The following FBN1 variants were observed in gnomAD, a reference collection of about 807,000 sequenced individuals.
FBN1 encodes fibrillin-1.
FBN1 carries 29 observed loss-of-function variants against 365.1 expected under a neutral mutation model. The observed-to-expected ratio is 0.08, with a 90% CI of 0.06 to 0.11. FBN1 has a LOEUF of 0.11. Among genes scored for constraint, FBN1 ranks in the 10% least tolerant of loss-of-function variants. The pLI is 1.00. For synonymous variants in FBN1, 1,210 were observed against 1,270.5 expected, an observed-to-expected ratio of 0.95 and a Z score of 1.01; for missense variants, 2,476 against 3,703.2, an observed-to-expected ratio of 0.67 and a Z score of 8.60.
chr15:48,555,219 T>A (rs1404406018), intron 6 of FBN1, among the ~76,000 whole-genome samples: 1 of 152,166 alleles, frequency 6.6e-6, no homozygotes, highest in African/African-American at 2.4e-5. Flanking sequence ...AAATCTGTGC[T>A]CGGTTAAAAA....
In FBN1 at chr15:48,644,795, C is replaced by T; in HGVS notation, c.-26G>A. 1.9e-6 allele frequency: 3 copies of T among 1,599,120 alleles called. No homozygotes were observed. The highest frequency in any genetic ancestry group is 1.7e-6 in the Non-Finnish European group (2 of 1,176,920). On this transcript the variant is annotated 5_prime_UTR_variant, in exon 2 of 66. Transcript: ENST00000316623. The stretch of plus-strand genomic sequence containing the variant: ...GATGCCGAGCCGCCACCGGCTCCCG[C>T]CGCCTCTTGCCGCGCCCGGGGCTCG...
At chr15:48,436,620 C>T (rs1345740103) in intron 53 of FBN1, among the ~76,000 whole-genome samples, 1 of 152,134 alleles carries the variant, frequency 6.6e-6, no homozygotes, top group Admixed American at 6.5e-5. Flanking sequence ...AAGATTATGA[C>T]CATTAACAAT....
intron 6 of FBN1, among the ~76,000 whole-genome samples, chr15:48,581,696 T>C (rs1198005269): frequency 6.6e-6 from 1 of 152,144 alleles, no homozygotes; most frequent in Non-Finnish European, 1.5e-5. Flanking sequence ...GTCAGCAGTC[T>C]GACTGAAAAT....
chr15:48,423,629 G>C (rs990365877), intron 60 of FBN1, among the ~76,000 whole-genome samples: 5 of 152,146 alleles, frequency 3.3e-5, no homozygotes, highest in Admixed American at 1.3e-4. Flanking sequence ...AGCAGCACTT[G>C]CTGCTCTTGC....
intron 6 of FBN1, among the ~76,000 whole-genome samples, chr15:48,552,898 T>C (rs1374221763): frequency 2.0e-5 from 3 of 152,184 alleles, no homozygotes; most frequent in Non-Finnish European, 4.4e-5. Context: ...GAATTCCAGA[T>C]ATTCCTTCCT....
At chr15:48,534,050 C>A in intron 8 of FBN1, 30 bp downstream of exon 8, 1 of 1,611,332 alleles carries the variant, frequency 6.2e-7, no homozygotes, top group Non-Finnish European at 8.5e-7. Context: ...CCCACTACAC[C>A]CCCCAACTGC....
chr15:48,495,661 C>T, intron 20 of FBN1, 73 bp from the exon 21 acceptor site: 1 of 1,577,360 alleles, frequency 6.3e-7, no homozygotes, highest in South Asian at 1.1e-5. Flanking sequence ...AACTTTGACC[C>T]CAATTGCTAC....
intron 37 of FBN1, 84 bp from the exon 38 acceptor site, chr15:48,468,186 C>T (rs1005661044): frequency 1.3e-6 from 2 of 1,543,906 alleles, no homozygotes; most frequent in African/African-American, 1.4e-5. Context: ...AGGAACTGTT[C>T]AAAAACCGTA....
chr15:48,636,904 G>A (rs764954243), intron 2 of FBN1, among the ~76,000 whole-genome samples: 2 of 152,174 alleles, frequency 1.3e-5, no homozygotes, highest in South Asian at 2.1e-4. Flanking sequence ...AATTTGTTAC[G>A]TAGCAATAAA....
intron 17 of FBN1, among the ~76,000 whole-genome samples, chr15:48,501,028 C>A (rs1026549092): frequency 1.9e-4 from 29 of 152,264 alleles, no homozygotes; most frequent in Non-Finnish European, 5.9e-5. Flanking sequence ...GGTGGAGAAA[C>A]CAAATGAATG....
chr15:48,567,994 C>G (rs1377306685), intron 6 of FBN1, among the ~76,000 whole-genome samples: 1 of 32,962 alleles, frequency 3.0e-5, no homozygotes, highest in Non-Finnish European at 5.7e-5. Context: ...TTAAAGTATA[C>G]AGATAAGAAA....
At chr15:48,584,338 A>C in intron 6 of FBN1, among the ~76,000 whole-genome samples, 1 of 152,172 alleles carries the variant, frequency 6.6e-6, no homozygotes, top group East Asian at 1.9e-4. Flanking sequence ...TGAGTTCGTG[A>C]TCAGTTTTCT....
intron 6 of FBN1, among the ~76,000 whole-genome samples, chr15:48,583,848 G>A (rs2044415418): frequency 6.6e-6 from 1 of 152,170 alleles, no homozygotes; most frequent in Non-Finnish European, 1.5e-5. Flanking sequence ...TGCAACAGTT[G>A]AATGTGTACT....
chr15:48,598,689 T>C (rs528695967), intron 5 of FBN1, among the ~76,000 whole-genome samples: 24 of 152,206 alleles, frequency 1.6e-4, no homozygotes, highest in African/African-American at 5.5e-4. Context: ...CTCCTACCCA[T>C]CCCTCAAGAC....
chr15:48,433,336 C>T (rs1029546192), intron 54 of FBN1, among the ~76,000 whole-genome samples: 1 of 152,086 alleles, frequency 6.6e-6, no homozygotes, highest in Non-Finnish European at 1.5e-5. Context: ...TCAGGTTGAC[C>T]ATTTGTCACT....
At chr15:48,643,760 G>A (rs1487600871) in intron 2 of FBN1, 1 of 152,142 alleles carries the variant, frequency 6.6e-6, no homozygotes, top group African/African-American at 2.4e-5. Context: ...CCATCCTGTT[G>A]TTTCCATGGA....
chr15:48,644,887 C>G lies in FBN1; in HGVS notation c.-118G>C. ...GGGGTCCCGCTATCCCGCCGCCCGTCCCCCGGGCCGGGCTCCTCCCGCCTT... is the reference window on the plus strand; with the variant it reads ...GGGGTCCCGCTATCCCGCCGCCCGTGCCCCGGGCCGGGCTCCTCCCGCCTT... On this transcript the variant is annotated 5_prime_UTR_variant, in exon 2 of 66. Coordinates refer to ENST00000316623, the MANE Select transcript of FBN1 (RefSeq NM_000138.5). 2 of 1,060,702 alleles carry G rather than the reference C, an allele frequency of 1.9e-6. No homozygotes were observed. The highest frequency in any genetic ancestry group is 2.4e-6 in the Non-Finnish European group (2 of 829,802). The allele number at this position is 1,060,702 out of a possible 1,614,324, so 65.7% of individuals were successfully genotyped here. A position where few individuals can be genotyped will look rare whatever the true frequency, so the allele number is the denominator to read the frequency against.
chr15:48,615,981 T>C (rs115517313), intron 2 of FBN1, among the ~76,000 whole-genome samples: 2,797 of 152,332 alleles, frequency 0.018, 101 homozygotes, highest in African/African-American at 0.065. Context: ...CTAATATTCA[T>C]CCACAACTGT....
intron 6 of FBN1, among the ~76,000 whole-genome samples, chr15:48,594,253 A>G (rs961722594): frequency 6.6e-6 from 1 of 152,154 alleles, no homozygotes; most frequent in South Asian, 2.1e-4. Context: ...TTCTTCTCCC[A>G]TTGAAGGTCT....
Sources: gnomAD v4.1 joint callset for allele counts (sites outside exome capture counted in the v4.1 genomes callset) on GRCh38, gnomAD v4.1.1 for gene constraint, MANE v1.5 for transcripts, NCBI Gene and HGNC (gene_info 2026-07-23, HGNC 2026-07-21) for gene names.